ASCC1: variants seen among roughly 807,000 people sequenced by gnomAD.
The protein encoded by ASCC1 is ASC-1 complex subunit P50.
ASCC1 carries 35 observed loss-of-function variants against 46.6 expected under a neutral mutation model. The ratio of observed to expected loss-of-function variants is 0.75; its 90% confidence interval spans 0.57 to 0.99. The LOEUF (loss-of-function observed/expected upper bound fraction) is 0.99. Among genes scored for constraint, ASCC1 ranks in the 50% least tolerant of loss-of-function variants. The probability of loss-of-function intolerance (pLI) is 0.00; values close to 1 mark genes in which losing one functional copy is unlikely to be tolerated. For missense variants in ASCC1, 376 were observed against 428.7 expected (o/e 0.88, Z 1.09); for synonymous variants, 143 against 146.6 (o/e 0.98, Z 0.18).
intron 9 of ASCC1, among the ~76,000 whole-genome samples, chr10:72,110,947 G>A (rs1842857108): frequency 6.6e-6 from 1 of 152,186 alleles, no homozygotes; most frequent in Non-Finnish European, 1.5e-5. Context: ...TTTCAACTAA[G>A]TTACCTCATT....
At chr10:72,206,103 C>CAA (rs1346301812) in intron 3 of ASCC1, among the ~76,000 whole-genome samples, 2 of 126,704 alleles carry the variant, frequency 1.6e-5, no homozygotes, top group Admixed American at 7.9e-5. Context: ...GACTCTGTCT[C>CAA]AAAAACAAAA....
At chr10:72,183,968 AC>A (rs1362189703) in intron 5 of ASCC1, among the ~76,000 whole-genome samples, 2 of 151,730 alleles carry the variant, frequency 1.3e-5, no homozygotes, top group African/African-American at 4.8e-5. Context: ...ACATGGTGAA[AC>A]CCCATCTCTA....
intron 9 of ASCC1, among the ~76,000 whole-genome samples, chr10:72,109,101 T>A (rs1842651323): frequency 6.6e-6 from 1 of 152,168 alleles, no homozygotes; most frequent in Non-Finnish European, 1.5e-5. Flanking sequence ...AATAATATTA[T>A]AGTAGCTAAT....
At chr10:72,189,062 C>T (rs986765884) in intron 5 of ASCC1, among the ~76,000 whole-genome samples, 1 of 152,048 alleles carries the variant, frequency 6.6e-6, no homozygotes. Flanking sequence ...CAGCGTGTCT[C>T]TCATTTAATC....
chr10:72,112,878 C>CAAAAA (rs60754683), intron 9 of ASCC1, among the ~76,000 whole-genome samples: 10 of 82,840 alleles, frequency 1.2e-4, no homozygotes, highest in African/African-American at 4.4e-4. Flanking sequence ...ACTCTGCCTC[C>CAAAAA]AAAAAAAAAA....
At chr10:72,159,907 T>C (rs936828712) in intron 6 of ASCC1, among the ~76,000 whole-genome samples, 41 of 149,048 alleles carry the variant, frequency 2.8e-4, no homozygotes, top group Non-Finnish European at 4.8e-4. Flanking sequence ...CAGTTTCTTT[T>C]TTTTTTTTTT....
chr10:72,191,937 C>G (rs1485780040), intron 5 of ASCC1, among the ~76,000 whole-genome samples: 1 of 151,828 alleles, frequency 6.6e-6, no homozygotes, highest in Non-Finnish European at 1.5e-5. Flanking sequence ...CATGAACCAC[C>G]ACGCCGGCCA....
chr10:72,127,905 G>A (rs1845072549), intron 9 of ASCC1, among the ~76,000 whole-genome samples, 177 bp downstream of exon 9: 1 of 151,772 alleles, frequency 6.6e-6, no homozygotes, highest in African/African-American at 2.4e-5. Context: ...CTCTAGAAGT[G>A]CCAAAGCCTT....
chr10:72,216,478 CCG>C (rs1222593207), upstream of ASCC1, among the ~76,000 whole-genome samples: 30 of 23,308 alleles, frequency 1.3e-3, no homozygotes, highest in Non-Finnish European at 2.0e-3. Flanking sequence ...CGCCCCGTTC[CCG>C]CCCCCCCCCC....
rs182938469 is a variant in ASCC1, at chr10:72,152,467, A to C, written c.746+402T>G. ...TCCTTCCTGCCTCTTATCCTGGAAA[A>C]CACAAAGGAACCACTGAGTTCACAA... On this transcript the variant is annotated intron_variant, in intron 7 of 9. Transcript: ENST00000672957. Among the ~76,000 whole-genome samples the C allele has an allele frequency of 2.0e-5, 3 of 152,264 alleles. No individual in the cohort carries two copies. The East Asian group carries it at 5.8e-4, about 29-fold the overall frequency.
At chr10:72,161,807 A>C in intron 5 of ASCC1, 133 bp from the exon 6 acceptor site, 1 of 945,144 alleles carries the variant, frequency 1.1e-6, no homozygotes, top group South Asian at 1.4e-5. Context: ...AGACCATTCA[A>C]TAGAGAAAGT....
chr10:72,132,572 T>C (rs1845735221), intron 8 of ASCC1, among the ~76,000 whole-genome samples: 1 of 152,152 alleles, frequency 6.6e-6, no homozygotes, highest in Admixed American at 6.5e-5. Context: ...CAGCACCCAC[T>C]AGGTGCCAGC....
At chr10:72,150,194 A>G (rs1848161237) in intron 7 of ASCC1, among the ~76,000 whole-genome samples, 1 of 152,148 alleles carries the variant, frequency 6.6e-6, no homozygotes, top group African/African-American at 2.4e-5. Context: ...TCAAAAAAAA[A>G]AAAGAAAAAT....
At chr10:72,155,874 A>G (rs1344951081) in intron 6 of ASCC1, among the ~76,000 whole-genome samples, 4 of 152,212 alleles carry the variant, frequency 2.6e-5, no homozygotes, top group African/African-American at 9.6e-5. Context: ...ATCCACATCT[A>G]TATCCTCAAA....
At chr10:72,198,500 G>T in intron 4 of ASCC1, 1 of 454,636 alleles carries the variant, frequency 2.2e-6, no homozygotes, top group Non-Finnish European at 4.4e-6. Flanking sequence ...ATTGCCTGAG[G>T]CCAGGAGTTC....
At chr10:72,176,897 G>A (rs900251699) in intron 5 of ASCC1, among the ~76,000 whole-genome samples, 4 of 151,800 alleles carry the variant, frequency 2.6e-5, no homozygotes, top group African/African-American at 9.7e-5. Context: ...CTTCCAGACT[G>A]TTCAATTGTC....
At chr10:72,120,265 A>G (rs1283673111) in intron 9 of ASCC1, among the ~76,000 whole-genome samples, 1 of 152,126 alleles carries the variant, frequency 6.6e-6, no homozygotes, top group Admixed American at 6.5e-5. Context: ...TAATAAAAAT[A>G]CTGTAACAAA....
At chr10:72,158,256 T>G (rs991019195) in intron 6 of ASCC1, among the ~76,000 whole-genome samples, 1 of 152,216 alleles carries the variant, frequency 6.6e-6, no homozygotes, top group African/African-American at 2.4e-5. Flanking sequence ...ACTTTCCAAC[T>G]GATGACACGT....
intron 4 of ASCC1, 141 bp downstream of exon 4, chr10:72,203,286 C>CAAA (rs372727374): frequency 2.8e-4 from 161 of 571,184 alleles, no homozygotes; most frequent in African/African-American, 1.0e-3. Flanking sequence ...AACTCCGTCT[C>CAAA]AAAAAAAAAA....
Sources: allele counts gnomAD v4.1 joint callset (sites outside exome capture counted in the v4.1 genomes callset), GRCh38; gene constraint gnomAD v4.1.1; transcripts MANE v1.5; gene names NCBI Gene and HGNC (gene_info 2026-07-23, HGNC 2026-07-21).